ADCK1: variants seen among roughly 807,000 people sequenced by gnomAD.
ADCK1 encodes aarF domain-containing protein kinase 1.
A neutral mutation model predicts 52.3 loss-of-function variants in ADCK1; 41 were observed. The ratio of observed to expected loss-of-function variants is 0.78; its 90% CI spans 0.61 to 1.02. The LOEUF (loss-of-function observed/expected upper bound fraction) is 1.02, where lower values mean the gene tolerates loss of function less well. Among genes scored for constraint, ADCK1 ranks in the 50% least tolerant of loss-of-function variants. The pLI is 0.00. For missense variants in ADCK1, 658 were observed against 679.5 expected, an observed-to-expected ratio of 0.97 and a Z score of 0.35; for synonymous variants, 250 against 274.6, an observed-to-expected ratio of 0.91 and a Z score of 0.89.
At chr14:77,874,552 G>GAC (rs1178908397) in intron 4 of ADCK1, among the ~76,000 whole-genome samples, 10 of 152,188 alleles carry the variant, frequency 6.6e-5, no homozygotes, top group Non-Finnish European at 8.8e-5. Context: ...CTCCCAGGCT[G>GAC]GGGTGGGGCA....
chr14:77,818,375 G>A (rs1016243424), intron 1 of ADCK1, among the ~76,000 whole-genome samples: 8 of 151,838 alleles, frequency 5.3e-5, no homozygotes, highest in African/African-American at 1.7e-4. Flanking sequence ...TCCTCCTCCC[G>A]GGCTCAAACC....
chr14:77,835,655 C>T (rs1219332148), intron 3 of ADCK1, among the ~76,000 whole-genome samples: 1 of 152,174 alleles, frequency 6.6e-6, no homozygotes, highest in East Asian at 1.9e-4. Context: ...GCCTGGAAAG[C>T]CTCACTCTGG....
chr14:77,843,101 A>C (rs2082110126), intron 3 of ADCK1, among the ~76,000 whole-genome samples: 1 of 152,062 alleles, frequency 6.6e-6, no homozygotes, highest in African/African-American at 2.4e-5. Flanking sequence ...TAAGTTGCCC[A>C]GGCTGGTCTC....
chr14:77,861,935 GA>G (rs2082557688), intron 4 of ADCK1, among the ~76,000 whole-genome samples: 1 of 152,242 alleles, frequency 6.6e-6, no homozygotes, highest in Non-Finnish European at 1.5e-5. Flanking sequence ...GTGCAGAGGT[GA>G]GGGCACTCGA....
At chr14:77,842,963 C>T (rs1355706900) in intron 3 of ADCK1, among the ~76,000 whole-genome samples, 1 of 147,180 alleles carries the variant, frequency 6.8e-6, no homozygotes, top group African/African-American at 2.5e-5. Flanking sequence ...AAACATGGCT[C>T]ACTGCATCCT....
At chr14:77,820,638 A>ATG (rs2081560431) in intron 2 of ADCK1, among the ~76,000 whole-genome samples, 1 of 68,716 alleles carries the variant, frequency 1.5e-5, no homozygotes, top group African/African-American at 5.0e-5. Flanking sequence ...GGCCAATTTT[A>ATG]CGTGTGTGTG....
Position 77,931,641 on chromosome 14 carries a change from G to A in ADCK1, c.1330G>A (p.Ala444Thr), listed in dbSNP as rs748588347. The A allele has an allele frequency of 1.1e-5, 18 of 1,611,988 alleles. No individual in the cohort carries two copies. The East Asian group carries it at 2.0e-4, about 18-fold the overall frequency. The change falls in exon 10 of 11, where the codon GCC becomes ACC. Residue 444 changes from alanine to threonine, a missense_variant. Physicochemically the swap from Ala to Thr is moderately conservative, Grantham distance 58. Transcript: ENST00000238561. ...TNDLLRGIEA[A>T]LGTRASASSF... is the part of the protein sequence containing the mutation. ...CGACCTGCTGCGTGGCATTGAGGCC[G>A]CCCTGGGCACCCGCGCCAGCGCCAG... is the stretch of plus-strand genomic sequence containing the variant.
At chr14:77,912,484 A>G (rs1184847065) in intron 7 of ADCK1, among the ~76,000 whole-genome samples, 1 of 150,374 alleles carries the variant, frequency 6.7e-6, no homozygotes, top group Non-Finnish European at 1.5e-5. Context: ...GTGTAATGAA[A>G]GAGTCCACAA....
At chr14:77,914,729 A>G (rs1425259396) in intron 7 of ADCK1, among the ~76,000 whole-genome samples, 6 of 152,160 alleles carry the variant, frequency 3.9e-5, no homozygotes, top group Non-Finnish European at 8.8e-5. Flanking sequence ...GCATAGGGTC[A>G]TTGTGTGAAT....
chr14:77,889,886 T>TAAA (rs10683624), intron 5 of ADCK1, among the ~76,000 whole-genome samples: 39,844 of 122,590 alleles, frequency 0.33, 7,411 homozygotes, highest in Admixed American at 0.44. Flanking sequence ...TATATAGAGT[T>TAAA]AAAAAAAAAA....
chr14:77,847,714 G>A (rs2082200184), intron 3 of ADCK1, among the ~76,000 whole-genome samples: 1 of 152,208 alleles, frequency 6.6e-6, no homozygotes, highest in Non-Finnish European at 1.5e-5. Context: ...TTGTTGGGCT[G>A]CACAGTCCTC....
At position 77,875,508 on chromosome 14, in the gene ADCK1, C is replaced by T. The variant is rs954527124; in HGVS notation, c.424-11583C>T. Among the ~76,000 whole-genome samples, 9 of 151,962 alleles carry T rather than the reference C, an allele frequency of 5.9e-5. No individual in the cohort carries two copies. In the South Asian group the frequency reaches 1.7e-3, roughly 28 times the overall value. On this transcript the variant is annotated intron_variant, in intron 4 of 10. Transcript: ENST00000238561. Reference sequence around the variant, plus strand: ...AGATATTAAAAAAAAAAGAAAACTCCTTAGCACCCTGATCTAATGAGAGCT... The same window carrying T: ...AGATATTAAAAAAAAAAGAAAACTCTTTAGCACCCTGATCTAATGAGAGCT...
chr14:77,866,318 C>T (rs571146344), intron 4 of ADCK1, among the ~76,000 whole-genome samples: 37 of 152,184 alleles, frequency 2.4e-4, no homozygotes, highest in Middle Eastern at 6.8e-3. Flanking sequence ...CGTTGTTGAC[C>T]GAAATGTTGT....
rs200288157 is a variant in ADCK1 at position 77,925,887 on chromosome 14, G to T, written c.1132G>T (p.Ala378Ser). Residue 378 changes from alanine (A) to serine (S), a missense_variant, in exon 9 of 11, where the codon GCC becomes TCC. By Grantham distance (99) the Ala-to-Ser change is moderately conservative. Transcript: ENST00000238561. ...AGCCGGGGATCTCTACCCCTTGTTT[G>T]CCTGCATGCTGACGGCGCGATCGTG... ...LGAGDLYPLF[A>S]CMLTARSWDS... 67 of 1,614,222 alleles carry T rather than the reference G, an allele frequency of 4.2e-5. 1 individual carries two copies. In the East Asian group the frequency reaches 1.3e-3, roughly 31 times the overall value.
chr14:77,872,760 C>T (rs555966695), intron 4 of ADCK1, among the ~76,000 whole-genome samples: 27 of 151,920 alleles, frequency 1.8e-4, no homozygotes, highest in Admixed American at 3.9e-4. Flanking sequence ...CTGCAACCTC[C>T]ACCTCCCGGG....
chr14:77,828,629 G>A (rs1210824466), intron 3 of ADCK1, among the ~76,000 whole-genome samples: 1 of 152,096 alleles, frequency 6.6e-6, no homozygotes, highest in Non-Finnish European at 1.5e-5. Context: ...CTGCCTCCCG[G>A]GTTCAAGCGA....
chr14:77,859,356 G>A, intron 4 of ADCK1, 77 bp downstream of exon 4: 6 of 1,423,264 alleles, frequency 4.2e-6, no homozygotes, highest in Non-Finnish European at 4.7e-6. Context: ...TTGCAGCCTC[G>A]ACCAGGGTGC....
rs56375730 is a variant in ADCK1, at chr14:77,925,886, T to G, written c.1131T>G (p.Phe377Leu). The G allele has an allele frequency of 1.2e-6, 2 of 1,614,106 alleles. No individual in the cohort carries two copies. The highest frequency in any genetic ancestry group is 1.7e-6 in the Non-Finnish European group (2 of 1,180,054). ...GAGCCGGGGATCTCTACCCCTTGTT[T>G]GCCTGCATGCTGACGGCGCGATCGT... ...RLGAGDLYPL[F>L]ACMLTARSWD... is the part of the protein sequence containing the mutation. Residue 377 changes from phenylalanine to leucine, a missense_variant, in exon 9 of 11, where the codon TTT (phenylalanine) becomes TTG (leucine). By Grantham distance (22) the Phe-to-Leu change is conservative (BLOSUM62 0). Transcript: ENST00000238561.
intron 4 of ADCK1, among the ~76,000 whole-genome samples, chr14:77,884,520 A>G (rs2083104855): frequency 6.6e-6 from 1 of 152,134 alleles, no homozygotes; most frequent in Non-Finnish European, 1.5e-5. Context: ...GGGGCCTGAG[A>G]ACACTATATC....
Sources: allele counts gnomAD v4.1 joint callset (sites outside exome capture counted in the v4.1 genomes callset), GRCh38; gene constraint gnomAD v4.1.1; transcripts MANE v1.5; gene names NCBI Gene and HGNC (gene_info 2026-07-23, HGNC 2026-07-21).